FKBP7: variants seen among roughly 807,000 people sequenced by gnomAD.
The protein encoded by FKBP7 is peptidyl-prolyl cis-trans isomerase FKBP7.
FKBP7 carries 24 observed loss-of-function variants against 24.3 expected under a neutral mutation model. The ratio of observed to expected loss-of-function variants is 0.99; its 90% CI spans 0.72 to 1.39. The LOEUF (loss-of-function observed/expected upper bound fraction) is 1.39. Ranked by LOEUF, FKBP7 falls within the 40% of genes most tolerant of loss-of-function variation. FKBP7 has a pLI of 0.00. For synonymous variants in FKBP7, 98 were observed against 92.8 expected, an observed-to-expected ratio of 1.06 and a Z score of -0.32; for missense variants, 257 against 269.5, an observed-to-expected ratio of 0.95 and a Z score of 0.33.
intron 2 of FKBP7, among the ~76,000 whole-genome samples, chr2:178,470,916 T>C (rs572651124): frequency 2.8e-4 from 43 of 152,338 alleles, no homozygotes; most frequent in Non-Finnish European, 1.5e-5. Flanking sequence ...CTCACTCTGT[T>C]TCCCAGGCTG....
intron 2 of FKBP7, among the ~76,000 whole-genome samples, chr2:178,472,093 T>G (rs1007381318): frequency 6.6e-6 from 1 of 151,674 alleles, no homozygotes; most frequent in Non-Finnish European, 1.5e-5. Flanking sequence ...TTTTTTTTTT[T>G]GAGACAGAAT....
chr2:178,474,392 AAATT>A (rs1388286775), intron 2 of FKBP7, among the ~76,000 whole-genome samples: 22 of 152,332 alleles, frequency 1.4e-4, no homozygotes, highest in African/African-American at 5.3e-4. Flanking sequence ...AATTTTGGAA[AAATT>A]AATACATGCC....
In FKBP7 at chr2:178,473,107, G is replaced by A. The variant is rs550761611; in HGVS notation, c.374-3322C>T. On this transcript the variant is annotated intron_variant, in intron 2 of 3. Transcript: ENST00000424785. ...GGGTTGTTCTGTGACATGAGACAAGGATATTTTGCAGAAGAAAGACTTCTT... is the reference window on the plus strand; with the variant it reads ...GGGTTGTTCTGTGACATGAGACAAGAATATTTTGCAGAAGAAAGACTTCTT... 2.5e-5 allele frequency: 32 copies of A among 1,304,866 alleles called. No individual in the cohort carries two copies. In the South Asian group the frequency reaches 3.2e-4, roughly 13 times the overall value. The allele number at this position is 1,304,866 out of a possible 1,614,324, so 80.8% of individuals were successfully genotyped here.
chr2:178,476,845 C>T (rs1319005213), intron 2 of FKBP7, among the ~76,000 whole-genome samples: 1 of 151,530 alleles, frequency 6.6e-6, no homozygotes. Flanking sequence ...GCCTGGCTTC[C>T]ATATATGCAT....
At position 178,465,748 on chromosome 2, in the gene FKBP7, A is replaced by T. The variant is rs1432781865; in HGVS notation, c.*22T>A. ...TAAAGTACAGTAAATAGCTAAAAAAAAAAAGTAGAAATACAAATATGCTAT... is the reference window on the plus strand; with the variant it reads ...TAAAGTACAGTAAATAGCTAAAAAATAAAAGTAGAAATACAAATATGCTAT... On this transcript the variant is annotated 3_prime_UTR_variant, in exon 4 of 4. Transcript: ENST00000424785. 1.3e-6 allele frequency: 2 copies of T among 1,542,080 alleles called. No homozygotes were observed. Among genetic ancestry groups the T allele is most frequent in the African/African-American group, 2.8e-5 (2 of 71,456 alleles).
chr2:178,472,415 A>T (rs1684871548), intron 2 of FKBP7, among the ~76,000 whole-genome samples: 1 of 152,004 alleles, frequency 6.6e-6, no homozygotes, highest in African/African-American at 2.4e-5. Context: ...GTAGGTACAT[A>T]TGCAGTTTTT....
In FKBP7 at chr2:178,464,627, G is replaced by T; in HGVS notation, c.*1143C>A. On this transcript the variant is annotated 3_prime_UTR_variant, in exon 4 of 4. Transcript: ENST00000424785. Reference sequence around the variant, plus strand: ...ACATGTGGGGATTATGGAAATTATGGGGATTATAATTTCAAGATGAGATTT... The same window carrying T: ...ACATGTGGGGATTATGGAAATTATGTGGATTATAATTTCAAGATGAGATTT... 1 of 152,312 alleles carries T rather than the reference G, an allele frequency of 6.6e-6. No individual in the cohort carries two copies. 9.4% of individuals were successfully genotyped at this position (152,312 alleles called of 1,614,324 possible). A position where few individuals can be genotyped will look rare whatever the true frequency, so the allele number is the denominator to read the frequency against.
rs1685081857 is a variant in FKBP7, at chr2:178,478,553, T to C, written c.-54A>G. The C allele has an allele frequency of 1.2e-6, 2 of 1,604,170 alleles. No individual in the cohort carries two copies. The highest frequency in any genetic ancestry group is 1.7e-5 in the Admixed American group (1 of 59,104). On this transcript the variant is annotated 5_prime_UTR_variant, in exon 1 of 4. Transcript: ENST00000424785. ...CCGCGTGTCACTCGCGCCCCGTGGA[T>C]GTCCCGCGGCCGAGTTCCGACGCGT...
intron 1 of FKBP7, among the ~76,000 whole-genome samples, chr2:178,477,906 AAATCTCTTTATTCC>A (rs1019273364): frequency 5.3e-4 from 81 of 152,300 alleles, no homozygotes; most frequent in African/African-American, 1.8e-3. Flanking sequence ...GGCCAGAATT[AAATCTCTTTATTCC>A]ATGTATTCCT....
At chr2:178,478,256 G>C (rs903858120) in intron 1 of FKBP7, 23 bp downstream of exon 1, 8 of 1,612,756 alleles carry the variant, frequency 5.0e-6, no homozygotes, top group Non-Finnish European at 6.8e-6. Flanking sequence ...CTGGACGCAC[G>C]GGCAGCTCGC....
chr2:178,478,385 CTTCTATT>C lies in FKBP7; in HGVS notation c.108_114del (p.Ile37PhefsTer18), dbSNP rs758604102. 6.2e-7 allele frequency: 1 copy of C among 1,614,230 alleles called. No homozygotes were observed. The highest frequency in any genetic ancestry group is 1.1e-5 in the South Asian group (1 of 91,086). On this transcript the variant is annotated frameshift_variant, in exon 1 of 4. Transcript: ENST00000424785. LOFTEE classifies it high-confidence loss of function. ...GAGCAGTTTTCTGGACGATGCAAAA[CTTCTATT>C]TTCACTTCTTCGGTGCTCTCCTCTT...
chr2:178,470,184 A>G (rs1478185379), intron 2 of FKBP7, among the ~76,000 whole-genome samples: 1 of 152,180 alleles, frequency 6.6e-6, no homozygotes, highest in African/African-American at 2.4e-5. Context: ...ATATTCATAC[A>G]AAAAAAGGAT....
chr2:178,474,299 C>G (rs191912504), intron 2 of FKBP7, among the ~76,000 whole-genome samples: 2 of 152,304 alleles, frequency 1.3e-5, no homozygotes, highest in Admixed American at 1.3e-4. Flanking sequence ...AAGGTACAGC[C>G]TATCAGGCTG....
At chr2:178,476,796 G>C (rs1176414874) in intron 2 of FKBP7, among the ~76,000 whole-genome samples, 1 of 148,780 alleles carries the variant, frequency 6.7e-6, no homozygotes, top group African/African-American at 2.5e-5. Context: ...TACCACCTTG[G>C]CCTCCCAAAG....
intron 3 of FKBP7, 47 bp from the exon 4 acceptor site, chr2:178,465,978 A>T (rs35636148): frequency 6.8e-7 from 1 of 1,468,264 alleles, no homozygotes; most frequent in Non-Finnish European, 9.1e-7. Context: ...TATCACAGTG[A>T]ATTTCCAGTA....
At chr2:178,466,825 A>C (rs1442225170) in intron 3 of FKBP7, among the ~76,000 whole-genome samples, 1 of 152,234 alleles carries the variant, frequency 6.6e-6, no homozygotes, top group Non-Finnish European at 1.5e-5. Context: ...ATAACTAAAG[A>C]AAGCAATGCA....
chr2:178,469,680 TC>T lies in FKBP7; in HGVS notation c.478del (p.Asp160ThrfsTer11), dbSNP rs1488018910. The T allele has an allele frequency of 6.2e-7, 1 of 1,613,940 alleles. No individual in the cohort carries two copies. Among genetic ancestry groups the T allele is most frequent in the Non-Finnish European group, 8.5e-7 (1 of 1,180,000 alleles). ...GGCTTTAGAGAGCTGCCTGTCATTG[TC>T]CATGTCTATTTGTTTAAATGTCTCA... The part of the protein sequence containing the change: ...SIETFKQIDM[D>X]NDRQLSKAEI... On this transcript the variant is annotated frameshift_variant, in exon 3 of 4. Coordinates refer to ENST00000424785, the MANE Select transcript of FKBP7 (RefSeq NM_181342.3). LOFTEE classifies it high-confidence loss of function.
At chr2:178,466,397 C>G (rs1310708594) in intron 3 of FKBP7, among the ~76,000 whole-genome samples, 7 of 152,074 alleles carry the variant, frequency 4.6e-5, no homozygotes, top group Non-Finnish European at 8.8e-5. Context: ...TTCTATAGCT[C>G]TCCTCCAAGT....
chr2:178,473,900 G>C (rs930657030), intron 2 of FKBP7, among the ~76,000 whole-genome samples: 1 of 152,100 alleles, frequency 6.6e-6, no homozygotes, highest in Admixed American at 6.5e-5. Context: ...TGGTACCATG[G>C]GAGCTGTTCT....
Sources: allele counts gnomAD v4.1 joint callset (sites outside exome capture counted in the v4.1 genomes callset), GRCh38; gene constraint gnomAD v4.1.1; transcripts MANE v1.5; gene names NCBI Gene and HGNC (gene_info 2026-07-23, HGNC 2026-07-21).